BAP1: variants seen among roughly 807,000 people sequenced by gnomAD.
BAP1 encodes the protein BRCA1 associated deubiquitinase 1.
Under a neutral mutation model 77.2 loss-of-function variants are expected in BAP1, and 16 were observed. The observed-to-expected ratio is 0.21, with a 90% CI of 0.14 to 0.31. BAP1 has a LOEUF of 0.31. BAP1 is among the 10% of genes least tolerant of loss of function. The pLI is 1.00. For synonymous variants in BAP1, 362 were observed against 385.2 expected, an observed-to-expected ratio of 0.94 and a Z score of 0.71; for missense variants, 699 against 967.3, an observed-to-expected ratio of 0.72 and a Z score of 3.68.
rs899253745 is a variant in BAP1, at chr3:52,405,580, G to A, written c.931+185C>T. 5 of 862,978 alleles carry A rather than the reference G, an allele frequency of 5.8e-6. No homozygotes were observed. In the African/African-American group the frequency reaches 6.9e-5, roughly 12 times the overall value. The allele number at this position is 862,978 out of a possible 1,614,324, so 53.5% of individuals were successfully genotyped here. On this transcript the variant is annotated intron_variant, in intron 10 of 16. Coordinates refer to ENST00000460680, the MANE Select transcript of BAP1 (RefSeq NM_004656.4). ...ATTACAGAGAAGGGCCCAGGGGCCT[G>A]TGGTAACAGCGGCCCTTTACAGGTG...
chr3:52,402,800 T>C lies in BAP1; in HGVS notation c.1962A>G (p.Val654=). The change falls in exon 15 of 17, where the codon GTA becomes GTG. Residue 654 remains valine (V), a synonymous_variant. Transcript: ENST00000460680. The surrounding 1 kb of genome is among the most constrained non-coding windows in gnomAD (Gnocchi z 5.3). ...CCACCTTGAACTTCTTCCTCTTCTC[T>C]ACCTCCTCCTTGAGGCACGCCTCAT... is the stretch of plus-strand genomic sequence containing the variant. ...ANYEACLKEE[V]EKRKKFKIDD... is the part of the protein sequence containing the mutation. The C allele has an allele frequency of 1.2e-6, 2 of 1,614,238 alleles. No individual in the cohort carries two copies. Among genetic ancestry groups the C allele is most frequent in the Non-Finnish European group, 1.7e-6 (2 of 1,180,048 alleles).
rs1179090319 is a variant in BAP1, at chr3:52,409,965, C to T, written c.-87G>A. 11 of 1,531,882 alleles carry T rather than the reference C, an allele frequency of 7.2e-6. No homozygotes were observed. Among genetic ancestry groups the T allele is most frequent in the Non-Finnish European group, 9.6e-6 (11 of 1,141,072 alleles). 94.9% of individuals were successfully genotyped at this position (1,531,882 alleles called of 1,614,324 possible). ...CCGGGAGCCCCCACCGCCCCCGGGG[C>T]CCCTCAGTCCCACACACAGACAACG... On this transcript the variant is annotated 5_prime_UTR_variant, in exon 1 of 17. Transcript: ENST00000460680.
chr3:52,408,393 C>T (rs1221442372), intron 4 of BAP1, 81 bp downstream of exon 4: 2 of 1,564,208 alleles, frequency 1.3e-6, no homozygotes, highest in Middle Eastern at 2.0e-4. Flanking sequence ...ATCTCCTCCT[C>T]CTGTCTTCCT....
At chr3:52,405,655 A>G (rs887672644) in intron 10 of BAP1, 110 bp downstream of exon 10, 16 of 1,508,436 alleles carry the variant, frequency 1.1e-5, no homozygotes, top group African/African-American at 4.1e-5. Flanking sequence ...ACGGGGGAAG[A>G]ACACTGCCCA....
chr3:52,404,971 G>A, intron 11 of BAP1, 139 bp downstream of exon 11: 5 of 1,163,462 alleles, frequency 4.3e-6, no homozygotes, highest in Non-Finnish European at 6.3e-6. Context: ...ATCAGGCAGA[G>A]GAACCTAGCA....
chr3:52,407,037 G>A, intron 7 of BAP1, 130 bp from the exon 8 acceptor site: 1 of 1,508,512 alleles, frequency 6.6e-7, no homozygotes, highest in Non-Finnish European at 9.0e-7. Flanking sequence ...TATGGTGTAG[G>A]GTGAAACCCC....
In BAP1 at chr3:52,402,981, C is replaced by A; in HGVS notation, c.1891-110G>T. On this transcript the variant is annotated intron_variant, in intron 14 of 16. Transcript: ENST00000460680. The surrounding 1 kb of genome is among the most constrained non-coding windows in gnomAD (Gnocchi z 5.3). The stretch of plus-strand genomic sequence containing the variant: ...AGCAGCGAGTCCATGCCTATCAAGG[C>A]CCCTGCCACCACCCAACCCAGAAAG... The A allele has an allele frequency of 1.9e-6, 3 of 1,600,218 alleles. No individual in the cohort carries two copies.
In BAP1 at chr3:52,406,718, G is replaced by A. The variant is rs538823758; in HGVS notation, c.659+111C>T. On this transcript the variant is annotated intron_variant, in intron 8 of 16. Coordinates refer to ENST00000460680, the MANE Select transcript of BAP1 (RefSeq NM_004656.4). The surrounding 1 kb of genome is among the most constrained non-coding windows in gnomAD (Gnocchi z 4.6). ...GAACCCATGATCTAAGCCTGATCTT[G>A]CCAGATTCACCATATGGCCTTGCAA... 345 of 1,245,700 alleles carry A rather than the reference G, an allele frequency of 2.8e-4. No individual in the cohort carries two copies. The African/African-American group carries it at 4.5e-3, about 16-fold the overall frequency. 77.2% of individuals were successfully genotyped at this position (1,245,700 alleles called of 1,614,324 possible).
In BAP1 at chr3:52,404,626, C is replaced by G. The variant is rs145366930; in HGVS notation, c.1117-40G>C. The G allele has an allele frequency of 6.9e-6, 11 of 1,598,302 alleles. No homozygotes were observed. The African/African-American group carries it at 1.3e-4, about 19-fold the overall frequency. On this transcript the variant is annotated intron_variant, in intron 11 of 16. Coordinates refer to ENST00000460680, the MANE Select transcript of BAP1 (RefSeq NM_004656.4). ...AGGGCAGTTACAAACAAGTGCTGCT[C>G]GGCCCAGGCTGAGCCTAGACACTCA... is the stretch of plus-strand genomic sequence containing the variant.
At chr3:52,404,686 TGA>T in intron 11 of BAP1, 100 bp from the exon 12 acceptor site, 1 of 1,514,142 alleles carries the variant, frequency 6.6e-7, no homozygotes, top group Non-Finnish European at 8.9e-7. Flanking sequence ...TTTTCCAGAC[TGA>T]GTCAGCGGAA....
chr3:52,407,105 G>A (rs2153227724), intron 7 of BAP1, 69 bp downstream of exon 7: 2 of 1,608,786 alleles, frequency 1.2e-6, no homozygotes, highest in Non-Finnish European at 1.7e-6. Flanking sequence ...CATACCAGAG[G>A]GCCCTGAGCC....
rs1553645439 is a variant in BAP1 at position 52,405,753 on chromosome 3, A to AC, written c.931+11dup. On this transcript the variant is annotated intron_variant, in intron 10 of 16. Transcript: ENST00000460680. ...CTCTGAGGTCCACAAGAGGTCCCAA[A>AC]CCCCCCAGTACCTGTGTGGTTGCCC... is the stretch of plus-strand genomic sequence containing the variant. The AC allele has an allele frequency of 5.0e-6, 8 of 1,612,206 alleles. No homozygotes were observed. Among genetic ancestry groups the AC allele is most frequent in the African/African-American group, 2.7e-5 (2 of 74,716 alleles).
In BAP1 at chr3:52,406,740, G is replaced by A; in HGVS notation, c.659+89C>T. 1 of 1,401,460 alleles carries A rather than the reference G, an allele frequency of 7.1e-7. No individual in the cohort carries two copies. Among genetic ancestry groups the A allele is most frequent in the Non-Finnish European group, 9.9e-7 (1 of 1,011,788 alleles). The allele number at this position is 1,401,460 out of a possible 1,614,324, so 86.8% of individuals were successfully genotyped here. A position where few individuals can be genotyped will look rare whatever the true frequency, so the allele number is the denominator to read the frequency against. ...CTTGCCAGATTCACCATATGGCCTT[G>A]CAATTTACAAATCACCTGGATACTC... On this transcript the variant is annotated intron_variant, in intron 8 of 16. Coordinates refer to ENST00000460680, the MANE Select transcript of BAP1 (RefSeq NM_004656.4). This position sits in a 1 kb window ranked among gnomAD's most constrained non-coding sequence, Gnocchi z 4.6.
In BAP1 at chr3:52,402,237, T is replaced by C. The variant is rs1408676375; in HGVS notation, c.*51A>G. 2 of 1,585,486 alleles carry C rather than the reference T, an allele frequency of 1.3e-6. No homozygotes were observed. Among genetic ancestry groups the C allele is most frequent in the South Asian group, 2.3e-5 (2 of 86,820 alleles). ...GGGGAAGTGGGGCAGGGAAGGACCC[T>C]GGTGAGGGCCACACGGCAAGAGTGG... On this transcript the variant is annotated 3_prime_UTR_variant, in exon 17 of 17. Coordinates refer to ENST00000460680, the MANE Select transcript of BAP1 (RefSeq NM_004656.4). This position sits in a 1 kb window ranked among gnomAD's most constrained non-coding sequence, Gnocchi z 5.3.
At position 52,403,098 on chromosome 3, in the gene BAP1, T is replaced by G. The variant is rs1705018772; in HGVS notation, c.1890+40A>C. On this transcript the variant is annotated intron_variant, in intron 14 of 16. Coordinates refer to ENST00000460680, the MANE Select transcript of BAP1 (RefSeq NM_004656.4). This position sits in a 1 kb window ranked among gnomAD's most constrained non-coding sequence, Gnocchi z 4.0. ...GGCAGGAGGAGCTCAGGCCTTACCC[T>G]CTGCCAGGATTAAAGGAGAAAACCA... The G allele has an allele frequency of 6.2e-7, 1 of 1,608,102 alleles. No individual in the cohort carries two copies. The highest frequency in any genetic ancestry group is 8.5e-7 in the Non-Finnish European group (1 of 1,179,640).
In BAP1 at chr3:52,403,018, A is replaced by G. The variant is rs571043097; in HGVS notation, c.1890+120T>C. On this transcript the variant is annotated intron_variant, in intron 14 of 16. Coordinates refer to ENST00000460680, the MANE Select transcript of BAP1 (RefSeq NM_004656.4). This position sits in a 1 kb window ranked among gnomAD's most constrained non-coding sequence, Gnocchi z 4.0. ...CCCAACCCAGAAAGTCTTCTGGCACATGGCTCCAGCCACCAATCTTCACAC... is the reference window on the plus strand; with the variant it reads ...CCCAACCCAGAAAGTCTTCTGGCACGTGGCTCCAGCCACCAATCTTCACAC... The G allele has an allele frequency of 6.3e-6, 10 of 1,596,444 alleles. No individual in the cohort carries two copies. In the South Asian group the frequency reaches 1.0e-4, roughly 16 times the overall value.
rs778350656 is a variant in BAP1 at position 52,407,446 on chromosome 3, C to A, written c.390G>T (p.Ala130=). The A allele has an allele frequency of 4.3e-6, 7 of 1,614,190 alleles. No homozygotes were observed. The highest frequency in any genetic ancestry group is 5.1e-6 in the Non-Finnish European group (6 of 1,180,042). The change falls in exon 6 of 17, where the codon GCG becomes GCT. Residue 130 remains alanine, a synonymous_variant. Transcript: ENST00000460680. ...KGFSPESKGY[A]IGNAPELAKA... is the part of the protein sequence containing the mutation. ...TGGCCAACTCCGGGGCATTGCCAAT[C>A]GCATATCCTTTGCTCTACGGGGAAG...
At position 52,409,646 on chromosome 3, in the gene BAP1, C is replaced by A. The variant is rs375406375; in HGVS notation, c.68-38G>T. Reference sequence around the variant, plus strand: ...AAGGAAAGCAGTAGGGAAGGACAGCCCCTGATGAGTGAGGGCGCAGGGGTG... The same window carrying A: ...AAGGAAAGCAGTAGGGAAGGACAGCACCTGATGAGTGAGGGCGCAGGGGTG... On this transcript the variant is annotated intron_variant, in intron 2 of 16. Coordinates refer to ENST00000460680, the MANE Select transcript of BAP1 (RefSeq NM_004656.4). 17 of 1,614,040 alleles carry A rather than the reference C, an allele frequency of 1.1e-5. No individual in the cohort carries two copies. The Middle Eastern group carries it at 4.9e-4, about 47-fold the overall frequency.
Position 52,402,197 on chromosome 3 carries a change from G to A in BAP1, c.*91C>T. 6.5e-7 allele frequency: 1 copy of A among 1,537,078 alleles called. No individual in the cohort carries two copies. Among genetic ancestry groups the A allele is most frequent in the South Asian group, 1.2e-5 (1 of 84,104 alleles). On this transcript the variant is annotated 3_prime_UTR_variant, in exon 17 of 17. Transcript: ENST00000460680. This position sits in a 1 kb window ranked among gnomAD's most constrained non-coding sequence, Gnocchi z 5.3. The stretch of plus-strand genomic sequence containing the variant: ...TGGACTCTCCAGCTGGGACTATTCA[G>A]TAATACTGGGAAAAGGGGAAGTGGG...
Sources: gnomAD v4.1 joint callset for allele counts on GRCh38, gnomAD v4.1.1 for gene constraint, Gnocchi (gnomAD v3.1) non-coding constraint, MANE v1.5 for transcripts, NCBI Gene and HGNC (gene_info 2026-07-23, HGNC 2026-07-21) for gene names.